STAT5B: variants seen among roughly 807,000 people sequenced by gnomAD.
The protein encoded by STAT5B is signal transducer and activator of transcription 5B.
STAT5B carries 21 observed loss-of-function variants against 107.8 expected under a neutral mutation model. That is an observed-to-expected ratio of 0.19 (90% CI 0.14 to 0.28). STAT5B has a LOEUF of 0.28. Ranked by LOEUF, STAT5B falls within the 10% of genes least tolerant of loss-of-function variation. The pLI is 1.00. For missense variants in STAT5B, 565 were observed against 1,008.2 expected (o/e 0.56, Z 5.95); for synonymous variants, 325 against 401.7 (o/e 0.81, Z 2.28).
At chr17:42,274,399 C>T (rs2080747711) in intron 1 of STAT5B, among the ~76,000 whole-genome samples, 1 of 151,742 alleles carries the variant, frequency 6.6e-6, no homozygotes, top group South Asian at 2.1e-4. Context: ...CTAGATAACG[C>T]GCTTACCTGA....
intron 13 of STAT5B, among the ~76,000 whole-genome samples, chr17:42,211,563 AGAG>A (rs1434275245): frequency 6.6e-6 from 1 of 152,136 alleles, no homozygotes; most frequent in Admixed American, 6.6e-5. Context: ...AGCAGATGCT[AGAG>A]GAGGAGTTTC....
chr17:42,219,253 G>A, intron 7 of STAT5B, 59 bp downstream of exon 7: 2 of 1,582,004 alleles, frequency 1.3e-6, no homozygotes, highest in East Asian at 2.3e-5. Flanking sequence ...GGACGCAGAA[G>A]CAGCCGGGAT....
At chr17:42,262,970 GTA>G (rs869160306) in intron 1 of STAT5B, among the ~76,000 whole-genome samples, 867 of 20,722 alleles carry the variant, frequency 0.042, 9 homozygotes, top group Admixed American at 0.054. Context: ...GTGTGTGTGT[GTA>G]TATATATATA....
intron 1 of STAT5B, among the ~76,000 whole-genome samples, chr17:42,233,296 A>G (rs547965988): frequency 6.6e-6 from 1 of 152,294 alleles, no homozygotes; most frequent in African/African-American, 2.4e-5. Context: ...CCTAAGCAGC[A>G]ATGCTTTGCA....
At chr17:42,222,074 G>GGT (rs1156484102) in intron 5 of STAT5B, among the ~76,000 whole-genome samples, 18 of 143,714 alleles carry the variant, frequency 1.3e-4, no homozygotes, top group African/African-American at 4.4e-4. Context: ...TGCTGTGTGT[G>GGT]GTGTGTGTGT....
chr17:42,262,186 G>A (rs1168329119), intron 1 of STAT5B, among the ~76,000 whole-genome samples: 1 of 151,568 alleles, frequency 6.6e-6, no homozygotes, highest in Admixed American at 6.6e-5. Context: ...TCTGAGACAG[G>A]GTCTTTCTCT....
intron 4 of STAT5B, 139 bp downstream of exon 4, chr17:42,224,640 T>G (rs2080258001): frequency 1.2e-6 from 1 of 859,970 alleles, no homozygotes; most frequent in East Asian, 2.8e-5. Flanking sequence ...TCCTATTTCT[T>G]TTGTGCCCCT....
At chr17:42,232,894 G>A (rs2080328600) in intron 1 of STAT5B, among the ~76,000 whole-genome samples, 1 of 149,832 alleles carries the variant, frequency 6.7e-6, no homozygotes, top group South Asian at 2.1e-4. Context: ...CAGACTGGAG[G>A]GCAGTGGCAA....
chr17:42,217,463 C>T lies in STAT5B; in HGVS notation c.1171G>A (p.Asp391Asn), dbSNP rs1307918431. 2 of 1,614,092 alleles carry T rather than the reference C, an allele frequency of 1.2e-6. No homozygotes were observed. The highest frequency in any genetic ancestry group is 1.7e-5 in the Admixed American group (1 of 59,992). The stretch of plus-strand genomic sequence containing the variant: ...TTGTTCAAGATCTCGCCACTGTAAT[C>T]ACTGCAAATCAGAGAGAGACCAGCT... ...SLLKNENTRN[D>N]YSGEILNNCC... The change falls in exon 10 of 19, where the codon GAT (aspartate) becomes AAT (asparagine). Residue 391 changes from aspartate to asparagine, a missense_variant and splice_region_variant. Physicochemically the swap from Asp to Asn is conservative, Grantham distance 23. Around this residue, in one of 11 missense-constraint regions of STAT5B, gnomAD observed 70 missense variants for 73.2 expected, o/e 0.96. Transcript: ENST00000293328.
At chr17:42,220,100 G>GGCCTGCCTGCCTCCTGCCC (rs1276113952) in intron 5 of STAT5B, among the ~76,000 whole-genome samples, 1 of 152,192 alleles carries the variant, frequency 6.6e-6, no homozygotes, top group Non-Finnish European at 1.5e-5. Context: ...CTGGGGAGGA[G>GGCCTGCCTGCCTCCTGCCC]GCCTGCCTGC....
At chr17:42,206,092 T>C (rs2144205493) in intron 16 of STAT5B, among the ~76,000 whole-genome samples, 1 of 152,204 alleles carries the variant, frequency 6.6e-6, no homozygotes, top group Middle Eastern at 3.4e-3. Flanking sequence ...TGAGATGGAG[T>C]CTCGCTCTGT....
intron 11 of STAT5B, among the ~76,000 whole-genome samples, chr17:42,216,848 T>G (rs982477259): frequency 1.3e-5 from 2 of 152,064 alleles, no homozygotes; most frequent in Admixed American, 6.6e-5. Flanking sequence ...TGGCTAATTT[T>G]TGTACTTTTT....
At chr17:42,227,783 T>C in intron 2 of STAT5B, 98 bp from the exon 3 acceptor site, 1 of 1,307,910 alleles carries the variant, frequency 7.6e-7, no homozygotes, top group Non-Finnish European at 1.1e-6. Context: ...ACTAAAGTGA[T>C]GTTTTTAATC....
At chr17:42,261,927 C>T (rs757419642) in intron 1 of STAT5B, among the ~76,000 whole-genome samples, 13 of 151,940 alleles carry the variant, frequency 8.6e-5, no homozygotes, top group East Asian at 1.9e-4. Context: ...CTCGAACTCC[C>T]GGCCTCAAGC....
intron 1 of STAT5B, among the ~76,000 whole-genome samples, chr17:42,248,378 A>G (rs2080470135): frequency 6.6e-6 from 1 of 151,160 alleles, no homozygotes; most frequent in South Asian, 2.1e-4. Context: ...TGCTGGGGAA[A>G]AAAAAAAAAC....
At chr17:42,286,254 A>C in the STAT5B span, among the ~76,000 whole-genome samples, 1 of 151,598 alleles carries the variant, frequency 6.6e-6, no homozygotes, top group East Asian at 1.9e-4. Flanking sequence ...AAAAAAAAAA[A>C]ACCCAGAAGG....
intron 7 of STAT5B, among the ~76,000 whole-genome samples, chr17:42,219,095 C>G (rs1409161081): frequency 6.6e-6 from 1 of 152,180 alleles, no homozygotes; most frequent in Non-Finnish European, 1.5e-5. Context: ...ACCCCACACA[C>G]CCGAACCCTG....
At position 42,276,360 on chromosome 17, in the gene STAT5B, G is replaced by A. The variant is rs1449277446; in HGVS notation, c.-123C>T. On this transcript the variant is annotated 5_prime_UTR_variant, in exon 1 of 19. Coordinates refer to ENST00000293328, the MANE Select transcript of STAT5B (RefSeq NM_012448.4). The surrounding 1 kb of genome is among the most constrained non-coding windows in gnomAD (Gnocchi z 4.8). ...CCGCCGCGCGGAGTTGCCTGCGCTG[G>A]GTCCCCGCCCGGGGTGACGGCTCCG... 1 of 147,058 alleles carries A rather than the reference G, an allele frequency of 6.8e-6. No individual in the cohort carries two copies. Among genetic ancestry groups the A allele is most frequent in the Non-Finnish European group, 1.5e-5 (1 of 66,058 alleles). The allele number at this position is 147,058 out of a possible 1,614,324, so 9.1% of individuals were successfully genotyped here.
chr17:42,241,860 G>C (rs2080406198), intron 1 of STAT5B, among the ~76,000 whole-genome samples: 1 of 152,064 alleles, frequency 6.6e-6, no homozygotes, highest in Admixed American at 6.6e-5. Context: ...TCTAGAAGCA[G>C]GTTAATACCA....
Sources: gnomAD v4.1 joint callset for allele counts (sites outside exome capture counted in the v4.1 genomes callset) on GRCh38, gnomAD v4.1.1 for gene constraint, gnomAD v4.1.1 regional missense constraint, Gnocchi (gnomAD v3.1) non-coding constraint, MANE v1.5 for transcripts, NCBI Gene and HGNC (gene_info 2026-07-23, HGNC 2026-07-21) for gene names.